Variants in PLSCR2 observed in about 807,000 individuals in gnomAD.
PLSCR2 encodes the protein phospholipid scramblase 2, also known as PL scramblase 2.
Under a neutral mutation model 25.3 loss-of-function variants are expected in PLSCR2, and 18 were observed. The observed-to-expected ratio is 0.71, with a 90% CI of 0.49 to 1.06. The LOEUF is 1.06. Among genes scored for constraint, PLSCR2 ranks in the 50% least tolerant of loss-of-function variants. PLSCR2 has a pLI of 0.00. For missense variants in PLSCR2, 243 were observed against 269.5 expected, an observed-to-expected ratio of 0.90 and a Z score of 0.69; for synonymous variants, 88 against 87.3, an observed-to-expected ratio of 1.01 and a Z score of -0.04.
chr3:146,393,275 G>A (rs1466431226), intron 3 of PLSCR2, among the ~76,000 whole-genome samples: 2 of 151,448 alleles, frequency 1.3e-5, no homozygotes, highest in South Asian at 2.1e-4. Flanking sequence ...TGATCTACAC[G>A]CCTCGGCCTC....
chr3:146,431,985 GTTTAT>G (rs549053178), downstream of PLSCR2, among the ~76,000 whole-genome samples: 14 of 151,840 alleles, frequency 9.2e-5, no homozygotes, highest in Non-Finnish European at 1.3e-4. Context: ...TACTGATGAT[GTTTAT>G]TTTAATTATT....
chr3:146,469,910 G>T, intron 1 of PLSCR2, among the ~76,000 whole-genome samples: 1 of 151,942 alleles, frequency 6.6e-6, no homozygotes, highest in Non-Finnish European at 1.5e-5. Flanking sequence ...GGGCACAGAT[G>T]AACTGGGACG....
intron 1 of PLSCR2, among the ~76,000 whole-genome samples, chr3:146,471,040 T>G (rs564964146): frequency 0.075 from 483 of 6,408 alleles, 4 homozygotes; most frequent in African/African-American, 0.21. Flanking sequence ...AGTGTTTTTG[T>G]TTTTTTGTTT....
At chr3:146,461,901 C>T, upstream of PLSCR2, 1 of 1,510,948 alleles carries the variant, frequency 6.6e-7, no homozygotes, top group Non-Finnish European at 8.9e-7. Context: ...TTCAGGAGTG[C>T]CCAGTACTGG....
intron 2 of PLSCR2, among the ~76,000 whole-genome samples, chr3:146,422,864 C>G (rs1486976848): frequency 1.3e-5 from 2 of 152,034 alleles, no homozygotes; most frequent in Non-Finnish European, 2.9e-5. Context: ...CTCCCAAAAC[C>G]TAGAAGCATA....
chr3:146,431,739 C>T (rs540577216), downstream of PLSCR2, among the ~76,000 whole-genome samples: 12 of 152,082 alleles, frequency 7.9e-5, no homozygotes, highest in South Asian at 2.1e-4. Context: ...TAAAAGAATA[C>T]GAAGACTGGG....
At chr3:146,494,437 T>C (rs1467265134) in intron 1 of PLSCR2, among the ~76,000 whole-genome samples, 1 of 152,174 alleles carries the variant, frequency 6.6e-6, no homozygotes, top group African/African-American at 2.4e-5. Context: ...TGTGTGCATA[T>C]ACAGTGCATA....
intron 2 of PLSCR2, among the ~76,000 whole-genome samples, chr3:146,396,119 A>G (rs2038264412): frequency 6.6e-6 from 1 of 152,164 alleles, no homozygotes; most frequent in Admixed American, 6.5e-5. Flanking sequence ...AGATTTTCAA[A>G]TTGTATACAA....
chr3:146,427,405 G>A (rs1310838902), intron 2 of PLSCR2, among the ~76,000 whole-genome samples: 1 of 152,186 alleles, frequency 6.6e-6, no homozygotes, highest in East Asian at 1.9e-4. Flanking sequence ...TTCAGGAATG[G>A]TTGGAAAGTC....
At chr3:146,493,113 A>G (rs1056926716) in intron 1 of PLSCR2, among the ~76,000 whole-genome samples, 1 of 152,144 alleles carries the variant, frequency 6.6e-6, no homozygotes, top group East Asian at 1.9e-4. Context: ...CCAGGAAGAA[A>G]TTGAAATCCT....
intron 2 of PLSCR2, among the ~76,000 whole-genome samples, chr3:146,406,000 T>C (rs1265235072): frequency 6.6e-6 from 1 of 152,176 alleles, no homozygotes; most frequent in Non-Finnish European, 1.5e-5. Flanking sequence ...AGGATTTTTT[T>C]TGGATGGTGA....
intron 2 of PLSCR2, among the ~76,000 whole-genome samples, chr3:146,409,557 G>A (rs1162625092): frequency 2.0e-5 from 3 of 152,072 alleles, no homozygotes; most frequent in Admixed American, 1.3e-4. Flanking sequence ...GTAACAACCC[G>A]CCACACAGCT....
intron 2 of PLSCR2, among the ~76,000 whole-genome samples, chr3:146,421,782 G>A (rs2039162158): frequency 6.6e-6 from 1 of 152,150 alleles, no homozygotes; most frequent in Non-Finnish European, 1.5e-5. Flanking sequence ...TGGTAGGTTA[G>A]TGCAAATGGG....
intron 1 of PLSCR2, among the ~76,000 whole-genome samples, chr3:146,485,637 A>G (rs1033839177): frequency 5.9e-5 from 9 of 152,180 alleles, no homozygotes; most frequent in Non-Finnish European, 1.0e-4. Flanking sequence ...AAAACTCAAG[A>G]TTAAGAAACT....
exon 4 of PLSCR2, chr3:146,455,264 C>A: frequency 6.2e-7 from 1 of 1,613,772 alleles, no homozygotes; most frequent in Non-Finnish European, 8.5e-7. Flanking sequence ...GGGGCAACAA[C>A]AACAGTTACA....
chr3:146,415,275 C>T (rs1284068405), intron 2 of PLSCR2: 1 of 152,286 alleles, frequency 6.6e-6, no homozygotes, highest in Non-Finnish European at 1.5e-5. Flanking sequence ...GTAATTGATC[C>T]ATTGTCAACA....
In PLSCR2 at chr3:146,423,278, T is replaced by TCG. The variant is rs2039221048; in HGVS notation, c.101-27358_101-27357insCG. On this transcript the variant is annotated intron_variant and NMD_transcript_variant, in intron 2 of 3. Transcript: ENST00000463633. ...CTCTCTCTCTCTCTCTCTCTCTCTCTCTCTCCCTGGCTAGATTCTCACAAG... is the reference window on the plus strand; with the variant it reads ...CTCTCTCTCTCTCTCTCTCTCTCTCTCGCTCTCCCTGGCTAGATTCTCACAAG... Among the ~76,000 whole-genome samples the TCG allele has an allele frequency of 2.3e-5, 3 of 131,894 alleles. No individual in the cohort carries two copies. In the East Asian group the frequency reaches 6.1e-4, roughly 27 times the overall value. 86.5% of individuals were successfully genotyped at this position (131,894 alleles called of 152,430 possible).
At chr3:146,408,580 T>C (rs1197693179) in intron 2 of PLSCR2, among the ~76,000 whole-genome samples, 1 of 152,166 alleles carries the variant, frequency 6.6e-6, no homozygotes, top group Admixed American at 6.5e-5. Context: ...AGCTGACTGA[T>C]ATTCATTCCA....
At chr3:146,398,883 T>A (rs1206765137) in intron 2 of PLSCR2, 3 of 152,292 alleles carry the variant, frequency 2.0e-5, no homozygotes, top group Non-Finnish European at 4.4e-5. Context: ...TAAGTAACAC[T>A]TTATTTAGTT....
Sources: allele counts gnomAD v4.1 joint callset (sites outside exome capture counted in the v4.1 genomes callset), GRCh38; gene constraint gnomAD v4.1.1; transcripts MANE v1.5; gene names NCBI Gene and HGNC (gene_info 2026-07-23, HGNC 2026-07-21).